Variants in NOX4 observed in about 807,000 individuals in gnomAD.
NOX4 encodes the protein kidney oxidase-1.
NOX4 carries 69 observed loss-of-function variants against 87.6 expected under a neutral mutation model. The ratio of observed to expected loss-of-function variants is 0.79; its 90% CI spans 0.65 to 0.96. The LOEUF is 0.96. NOX4 is among the 40% of genes least tolerant of loss of function. The pLI, the probability that NOX4 is intolerant of heterozygous loss-of-function variation, is 0.00. For synonymous variants in NOX4, 275 were observed against 238.2 expected (o/e 1.15, Z -1.42); for missense variants, 680 against 681.5 (o/e 1.00, Z 0.02).
chr11:89,390,062 G>T (rs1591091166), intron 11 of NOX4, among the ~76,000 whole-genome samples: 1 of 152,132 alleles, frequency 6.6e-6, no homozygotes, highest in Non-Finnish European at 1.5e-5. Context: ...AAATTGCTTT[G>T]TTTTACTTCA....
chr11:89,553,701 G>T, the NOX4 span, among the ~76,000 whole-genome samples: 1 of 151,918 alleles, frequency 6.6e-6, no homozygotes, highest in Non-Finnish European at 1.5e-5. Flanking sequence ...AAGACAGAAA[G>T]AAATTTTATA....
At chr11:89,337,145 A>T (rs12806150) in intron 16 of NOX4, among the ~76,000 whole-genome samples, 1 of 152,016 alleles carries the variant, frequency 6.6e-6, no homozygotes, top group East Asian at 1.9e-4. Context: ...CACATAAAAC[A>T]TTCCCTCAAT....
intron 11 of NOX4, among the ~76,000 whole-genome samples, chr11:89,374,824 A>G (rs1192695126): frequency 3.9e-5 from 6 of 152,198 alleles, no homozygotes; most frequent in African/African-American, 1.4e-4. Context: ...GGTGAAAGAA[A>G]ATGGCAGTGG....
intron 11 of NOX4, among the ~76,000 whole-genome samples, chr11:89,396,035 G>A (rs1346078496): frequency 6.6e-6 from 1 of 152,086 alleles, no homozygotes; most frequent in Non-Finnish European, 1.5e-5. Flanking sequence ...TTCCAATTCT[G>A]TGAAGAAAGT....
chr11:89,567,847 G>A, the NOX4 span, among the ~76,000 whole-genome samples: 1 of 152,194 alleles, frequency 6.6e-6, no homozygotes, highest in African/African-American at 2.4e-5. Context: ...GTGCCTATGT[G>A]CATGGAGACC....
chr11:89,466,499 T>C (rs1049210188), intron 2 of NOX4, among the ~76,000 whole-genome samples: 4 of 152,208 alleles, frequency 2.6e-5, no homozygotes, highest in South Asian at 2.1e-4. Context: ...ATAGGGTCAC[T>C]GGATCACATC....
At chr11:89,529,284 A>G in the NOX4 span, among the ~76,000 whole-genome samples, 1 of 152,202 alleles carries the variant, frequency 6.6e-6, no homozygotes, top group African/African-American at 2.4e-5. Flanking sequence ...TTTATTTTTA[A>G]TATGACTTTG....
intron 8 of NOX4, among the ~76,000 whole-genome samples, chr11:89,413,090 A>T (rs879464276): frequency 6.6e-6 from 1 of 152,156 alleles, no homozygotes; most frequent in South Asian, 2.1e-4. Context: ...TCAACATCAC[A>T]TCATCAGATA....
At chr11:89,447,234 A>G (rs1391608010) in intron 4 of NOX4, among the ~76,000 whole-genome samples, 1 of 152,176 alleles carries the variant, frequency 6.6e-6, no homozygotes, top group African/African-American at 2.4e-5. Flanking sequence ...CAATACCCAA[A>G]TGTATAGTAA....
the NOX4 span, among the ~76,000 whole-genome samples, chr11:89,532,571 TCTC>T: frequency 6.6e-6 from 1 of 152,200 alleles, no homozygotes; most frequent in Non-Finnish European, 1.5e-5. Flanking sequence ...ACTTCCCTTG[TCTC>T]AGATGAGACT....
At chr11:89,366,014 G>A (rs1040818802) in intron 12 of NOX4, among the ~76,000 whole-genome samples, 3 of 152,004 alleles carry the variant, frequency 2.0e-5, no homozygotes, top group African/African-American at 7.2e-5. Flanking sequence ...ACTTAAAAAT[G>A]TTCCTGATAA....
intron 11 of NOX4, among the ~76,000 whole-genome samples, chr11:89,379,789 A>T (rs1369594422): frequency 6.6e-6 from 1 of 152,144 alleles, no homozygotes; most frequent in Non-Finnish European, 1.5e-5. Flanking sequence ...TTTAAAATAT[A>T]TTCAGAATAT....
chr11:89,349,616 A>T (rs752257138), intron 13 of NOX4, among the ~76,000 whole-genome samples: 1 of 152,356 alleles, frequency 6.6e-6, no homozygotes, highest in East Asian at 1.9e-4. Context: ...GCAGCAAACC[A>T]AGTCAAAAAA....
At chr11:89,415,511 A>T (rs1942714679) in intron 8 of NOX4, among the ~76,000 whole-genome samples, 1 of 152,146 alleles carries the variant, frequency 6.6e-6, no homozygotes, top group Non-Finnish European at 1.5e-5. Flanking sequence ...AACGTTTTTG[A>T]CCACACAAAC....
chr11:89,451,433 C>G (rs1944955549), intron 3 of NOX4, among the ~76,000 whole-genome samples: 1 of 152,180 alleles, frequency 6.6e-6, no homozygotes, highest in African/African-American at 2.4e-5. Context: ...TTAGCTCTGT[C>G]ATTCCCTAGT....
the NOX4 span, among the ~76,000 whole-genome samples, chr11:89,528,263 A>G: frequency 7.2e-3 from 1,101 of 152,214 alleles, 12 homozygotes; most frequent in African/African-American, 0.025. Flanking sequence ...TTTATTTTAC[A>G]GGCTCCTAGG....
At chr11:89,523,424 G>T in the NOX4 span, among the ~76,000 whole-genome samples, 2 of 152,140 alleles carry the variant, frequency 1.3e-5, no homozygotes, top group African/African-American at 4.8e-5. Flanking sequence ...ATATATAAAC[G>T]TAAAGTAGTC....
At chr11:89,361,363 A>T (rs186893932) in intron 12 of NOX4, among the ~76,000 whole-genome samples, 3 of 152,250 alleles carry the variant, frequency 2.0e-5, no homozygotes, top group Admixed American at 2.0e-4. Context: ...AAAACTAAAT[A>T]TCCTGTGTTC....
chr11:89,461,435 G>C (rs1209891367), intron 2 of NOX4, among the ~76,000 whole-genome samples: 1 of 151,934 alleles, frequency 6.6e-6, no homozygotes, highest in Non-Finnish European at 1.5e-5. Flanking sequence ...ATGAGGTCAG[G>C]AGATCGAGAC....
Sources: allele counts gnomAD v4.1 joint callset (sites outside exome capture counted in the v4.1 genomes callset), GRCh38; gene constraint gnomAD v4.1.1; transcripts MANE v1.5; gene names NCBI Gene and HGNC (gene_info 2026-07-23, HGNC 2026-07-21).